The following MPPED1 variants were observed in gnomAD, a reference collection of about 807,000 sequenced individuals.
MPPED1 encodes metallophosphoesterase domain-containing protein 1.
In MPPED1, 16 loss-of-function variants were observed where a neutral mutation model predicts 36.2. That is an observed-to-expected ratio of 0.44 (90% CI 0.30 to 0.67). The LOEUF (loss-of-function observed/expected upper bound fraction) is 0.67, where lower values mean the gene tolerates loss of function less well. Ranked by LOEUF, MPPED1 falls within the 30% of genes least tolerant of loss-of-function variation. The pLI, the probability that MPPED1 is intolerant of heterozygous loss-of-function variation, is 0.10. For synonymous variants in MPPED1, 199 were observed against 191.3 expected, an observed-to-expected ratio of 1.04 and a Z score of -0.33; for missense variants, 307 against 453.4, an observed-to-expected ratio of 0.68 and a Z score of 2.93.
chr22:43,470,557 ATATCCATCCATCTATAAACGATT>A (rs1453296367), intron 3 of MPPED1, among the ~76,000 whole-genome samples: 1 of 152,112 alleles, frequency 6.6e-6, no homozygotes, highest in Non-Finnish European at 1.5e-5. Flanking sequence ...GTGCATCCAT[ATATCCATCCATCTATAAACGATT>A]TATCCATCCA....
intron 3 of MPPED1, among the ~76,000 whole-genome samples, chr22:43,460,370 T>G (rs1930916430): frequency 6.7e-6 from 1 of 148,798 alleles, no homozygotes; most frequent in African/African-American, 2.4e-5. Flanking sequence ...GTCTCACTGC[T>G]TCCAGGTTGG....
At chr22:43,484,377 G>A (rs1158217509) in intron 4 of MPPED1, among the ~76,000 whole-genome samples, 1 of 152,202 alleles carries the variant, frequency 6.6e-6, no homozygotes, top group African/African-American at 2.4e-5. Flanking sequence ...AGGCAGCCCC[G>A]GGTCTGGCTC....
chr22:43,494,328 C>A (rs893757216), intron 4 of MPPED1, among the ~76,000 whole-genome samples: 2 of 152,208 alleles, frequency 1.3e-5, no homozygotes, highest in Non-Finnish European at 2.9e-5. Flanking sequence ...GCATGAGCCA[C>A]CATGCTTGGC....
At chr22:43,460,821 G>T (rs1930932145) in intron 3 of MPPED1, among the ~76,000 whole-genome samples, 2 of 152,114 alleles carry the variant, frequency 1.3e-5, no homozygotes, top group South Asian at 4.1e-4. Context: ...TCATTCTGAG[G>T]TGAGTGATGA....
At chr22:43,488,360 C>T (rs1322636485) in intron 4 of MPPED1, among the ~76,000 whole-genome samples, 1 of 152,194 alleles carries the variant, frequency 6.6e-6, no homozygotes, top group East Asian at 1.9e-4. Flanking sequence ...GTGTACCCTA[C>T]CTGGGGAGGC....
In MPPED1 at chr22:43,474,384, G is replaced by A. The variant is rs1931475290; in HGVS notation, c.407-352G>A. Among the ~76,000 whole-genome samples the A allele has an allele frequency of 6.6e-6, 1 of 152,244 alleles. No homozygotes were observed. The highest frequency in any genetic ancestry group is 1.5e-5 in the Non-Finnish European group (1 of 68,040). ...TGGAGGCCTGGACAGGCAGGACTGT[G>A]GGGACAGTGATCAGGCTGCTGCCTC... On this transcript the variant is annotated intron_variant, in intron 3 of 6. Coordinates refer to ENST00000443721, the MANE Select transcript of MPPED1 (RefSeq NM_001044370.2). The surrounding 1 kb of genome is among the most constrained non-coding windows in gnomAD (Gnocchi z 5.2).
intron 3 of MPPED1, among the ~76,000 whole-genome samples, chr22:43,452,566 C>A (rs541548953): frequency 6.6e-6 from 1 of 152,304 alleles, no homozygotes; most frequent in South Asian, 2.1e-4. Flanking sequence ...AAGATGATTT[C>A]ATTTTAGTGT....
In MPPED1 at chr22:43,421,021, G is replaced by A. The variant is rs1052430635; in HGVS notation, c.-78-3887G>A. ...GGGGAGGCATCTGCAGCCCCATCAGGATGCATGACTTGCTTAAGGTCACTC... is the reference window on the plus strand; with the variant it reads ...GGGGAGGCATCTGCAGCCCCATCAGAATGCATGACTTGCTTAAGGTCACTC... On this transcript the variant is annotated intron_variant, in intron 1 of 6. Coordinates refer to ENST00000443721, the MANE Select transcript of MPPED1 (RefSeq NM_001044370.2). 3.3e-5 allele frequency among the ~76,000 whole-genome samples: 5 copies of A among 152,306 alleles called. No individual in the cohort carries two copies. In the East Asian group the frequency reaches 9.7e-4, roughly 29 times the overall value.
chr22:43,471,379 C>T (rs923367629), intron 3 of MPPED1, among the ~76,000 whole-genome samples: 8 of 151,984 alleles, frequency 5.3e-5, no homozygotes, highest in Non-Finnish European at 8.8e-5. Flanking sequence ...GGGAGGGGCT[C>T]GATGAGGGGT....
intron 3 of MPPED1, among the ~76,000 whole-genome samples, chr22:43,442,743 C>T (rs1007560509): frequency 4.6e-5 from 7 of 152,208 alleles, no homozygotes; most frequent in African/African-American, 1.7e-4. Context: ...CAGCTGGCCT[C>T]CCTTCTCCCT....
chr22:43,449,730 C>T (rs995364311), intron 3 of MPPED1, among the ~76,000 whole-genome samples: 1 of 152,170 alleles, frequency 6.6e-6, no homozygotes, highest in African/African-American at 2.4e-5. Context: ...GCCACCTTGC[C>T]TCCTCGATGT....
At chr22:43,442,075 T>C (rs1930166469) in intron 3 of MPPED1, among the ~76,000 whole-genome samples, 1 of 151,962 alleles carries the variant, frequency 6.6e-6, no homozygotes, top group Non-Finnish European at 1.5e-5. Context: ...ACAAGTACTT[T>C]CTGGTGCAAG....
intron 4 of MPPED1, among the ~76,000 whole-genome samples, chr22:43,488,626 G>A (rs768057133): frequency 6.6e-6 from 1 of 152,196 alleles, no homozygotes; most frequent in Non-Finnish European, 1.5e-5. Flanking sequence ...CTCTGTTAAA[G>A]TTTGAATTAA....
At chr22:43,445,880 A>AT (rs78165973) in intron 3 of MPPED1, among the ~76,000 whole-genome samples, 39,901 of 125,186 alleles carry the variant, frequency 0.32, 7,627 homozygotes, top group East Asian at 0.67. Context: ...TGGTGTTTAC[A>AT]TTTTCTTTTT....
chr22:43,470,995 T>C (rs570847222), intron 3 of MPPED1, among the ~76,000 whole-genome samples: 12 of 152,330 alleles, frequency 7.9e-5, no homozygotes, highest in African/African-American at 2.9e-4. Context: ...CCTTGCATTA[T>C]GTATGGGAGC....
In MPPED1 at chr22:43,460,234, A is replaced by T. The variant is rs1026965418; in HGVS notation, c.407-14502A>T. Among the ~76,000 whole-genome samples, 7 of 119,674 alleles carry T rather than the reference A, an allele frequency of 5.8e-5. No individual in the cohort carries two copies. The Admixed American group carries it at 6.3e-4, about 11-fold the overall frequency. 78.5% of individuals were successfully genotyped at this position (119,674 alleles called of 152,430 possible). The stretch of plus-strand genomic sequence containing the variant: ...AAACAAAAACAAAAACAAAAACAAA[A>T]ACAAAAACAAAAACAAAAACAAACC... On this transcript the variant is annotated intron_variant, in intron 3 of 6. Coordinates refer to ENST00000443721, the MANE Select transcript of MPPED1 (RefSeq NM_001044370.2).
chr22:43,490,628 G>T (rs1052422903), intron 4 of MPPED1, among the ~76,000 whole-genome samples: 1 of 152,220 alleles, frequency 6.6e-6, no homozygotes, highest in Non-Finnish European at 1.5e-5. Context: ...CAACAGACGT[G>T]TTCTCTCCAT....
At chr22:43,479,546 C>T (rs936787150) in intron 4 of MPPED1, among the ~76,000 whole-genome samples, 1 of 152,190 alleles carries the variant, frequency 6.6e-6, no homozygotes, top group Admixed American at 6.5e-5. Flanking sequence ...GTGGCCTTAC[C>T]AAGCAGTGAG....
intron 1 of MPPED1, among the ~76,000 whole-genome samples, chr22:43,419,662 C>A (rs738682): frequency 0.7 from 105,515 of 150,282 alleles, 37,376 homozygotes; most frequent in East Asian, 0.82. Flanking sequence ...AGTTCTAGGA[C>A]ATTCCTTCGG....
Sources: gnomAD v4.1 joint callset for allele counts (sites outside exome capture counted in the v4.1 genomes callset) on GRCh38, gnomAD v4.1.1 for gene constraint, Gnocchi (gnomAD v3.1) non-coding constraint, MANE v1.5 for transcripts, NCBI Gene and HGNC (gene_info 2026-07-23, HGNC 2026-07-21) for gene names.